Variants in MAP6 observed in about 807,000 individuals in gnomAD.
MAP6 encodes the protein microtubule associated protein 6.
MAP6 carries 26 observed loss-of-function variants against 42.4 expected under a neutral mutation model. The ratio of observed to expected loss-of-function variants is 0.61; its 90% CI spans 0.45 to 0.85. The LOEUF is 0.85. MAP6 is among the 40% of genes least tolerant of loss of function. The pLI is 0.00. For synonymous variants in MAP6, 418 were observed against 443.8 expected, an observed-to-expected ratio of 0.94 and a Z score of 0.73; for missense variants, 966 against 1,099.0, an observed-to-expected ratio of 0.88 and a Z score of 1.71.
At chr11:75,606,762 T>C (rs1942786107) in intron 2 of MAP6, among the ~76,000 whole-genome samples, 2 of 152,068 alleles carry the variant, frequency 1.3e-5, no homozygotes, top group African/African-American at 4.8e-5. Context: ...CCTCCACCAT[T>C]TTCCCCAGAG....
intron 1 of MAP6, among the ~76,000 whole-genome samples, chr11:75,616,679 T>C (rs1942999608): frequency 6.6e-6 from 1 of 152,218 alleles, no homozygotes. Flanking sequence ...TAGTGGAAGA[T>C]TGCTTTCTCC....
chr11:75,618,200 A>T (rs1406455064), intron 1 of MAP6, among the ~76,000 whole-genome samples: 2 of 151,222 alleles, frequency 1.3e-5, no homozygotes, highest in African/African-American at 4.9e-5. Context: ...CTTGAGAACC[A>T]TGCTAATTTA....
Position 75,587,257 on chromosome 11 carries a change from A to G in MAP6, c.2244T>C (p.Asn748=), listed in dbSNP as rs1171851831. ...QGRIVPEPLK[N]QVPIVPVPLK... ...GAGGCACTGGGACTATAGGAACTTG[A>G]TTCTTCAGAGGTTCAGGGACTATAC... The change falls in exon 4 of 4, where the codon AAT becomes AAC. Residue 748 remains asparagine (N), a synonymous_variant. Coordinates refer to ENST00000304771, the MANE Select transcript of MAP6 (RefSeq NM_033063.2). 2 of 1,614,106 alleles carry G rather than the reference A, an allele frequency of 1.2e-6. No individual in the cohort carries two copies. The highest frequency in any genetic ancestry group is 4.5e-5 in the East Asian group (2 of 44,876).
chr11:75,665,058 T>A (rs1057170635), intron 1 of MAP6, among the ~76,000 whole-genome samples: 1 of 152,252 alleles, frequency 6.6e-6, no homozygotes, highest in Non-Finnish European at 1.5e-5. Flanking sequence ...AATTAAATTT[T>A]ACAAAAGACC....
At chr11:75,603,025 A>G (rs1942692694) in intron 3 of MAP6, 1 of 985,696 alleles carries the variant, frequency 1.0e-6, no homozygotes, top group South Asian at 4.7e-5. Flanking sequence ...GGTGTGCGCT[A>G]CATGTTACAT....
chr11:75,667,646 C>A lies in MAP6; in HGVS notation c.724G>T (p.Ala242Ser), dbSNP rs936707265. 7.9e-7 allele frequency: 1 copy of A among 1,259,612 alleles called. No individual in the cohort carries two copies. The highest frequency in any genetic ancestry group is 9.9e-7 in the Non-Finnish European group (1 of 1,006,576). The allele number at this position is 1,259,612 out of a possible 1,614,324, so 78.0% of individuals were successfully genotyped here. Residue 242 changes from alanine to serine, a missense_variant, in exon 1 of 4, where the codon GCC (alanine) becomes TCC (serine). By Grantham distance (99) the Ala-to-Ser change is moderately conservative. Around this residue, in one of 2 missense-constraint regions of MAP6, gnomAD observed 943 missense variants for 1,049.9 expected, o/e 0.90. Coordinates refer to ENST00000304771, the MANE Select transcript of MAP6 (RefSeq NM_033063.2). The surrounding 1 kb of genome is among the most constrained non-coding windows in gnomAD (Gnocchi z 5.6). ...GADERDTRRK[A>S]GPAWIVRRAE... is the part of the protein sequence containing the mutation. ...CGGCGCACAATCCAGGCAGGCCCGG[C>A]CTTCCTGCGCGTGTCGCGCTCGTCC...
chr11:75,646,300 A>G (rs1189552371), intron 1 of MAP6, among the ~76,000 whole-genome samples: 1 of 152,104 alleles, frequency 6.6e-6, no homozygotes, highest in Non-Finnish European at 1.5e-5. Flanking sequence ...CTATCTCTAA[A>G]GCAGGAGAGT....
Position 75,606,010 on chromosome 11 carries a change from C to G in MAP6, c.1120-6G>C. ...TGAACACTAGGTTTTTCCACCTGTACGGAGAGACAGACCGCAAATACAGAA... is the reference window on the plus strand; with the variant it reads ...TGAACACTAGGTTTTTCCACCTGTAGGGAGAGACAGACCGCAAATACAGAA... On this transcript the variant is annotated splice_polypyrimidine_tract_variant and splice_region_variant and intron_variant, in intron 2 of 3. Transcript: ENST00000304771. The G allele has an allele frequency of 1.9e-6, 3 of 1,612,456 alleles. No individual in the cohort carries two copies. The highest frequency in any genetic ancestry group is 2.5e-6 in the Non-Finnish European group (3 of 1,179,778).
intron 3 of MAP6, chr11:75,605,458 A>G: frequency 9.6e-7 from 1 of 1,039,488 alleles, no homozygotes; most frequent in Non-Finnish European, 1.2e-6. Flanking sequence ...TGGGAGGAGG[A>G]GACCCCACAG....
At chr11:75,624,905 G>C (rs145305609) in intron 1 of MAP6, among the ~76,000 whole-genome samples, 3 of 152,144 alleles carry the variant, frequency 2.0e-5, no homozygotes, top group African/African-American at 7.2e-5. Context: ...CTCTGCTGGC[G>C]ATTCTGTTCA....
chr11:75,613,100 C>T (rs1942931565), intron 1 of MAP6, among the ~76,000 whole-genome samples: 8 of 152,240 alleles, frequency 5.3e-5, no homozygotes, highest in Admixed American at 5.2e-4. Flanking sequence ...CTGTCTCCCA[C>T]ACCCTGTGCT....
At chr11:75,638,979 G>A (rs527880758) in intron 1 of MAP6, among the ~76,000 whole-genome samples, 4 of 152,152 alleles carry the variant, frequency 2.6e-5, no homozygotes, top group Non-Finnish European at 5.9e-5. Context: ...AAAAGACAAT[G>A]AAATCATGTC....
intron 3 of MAP6, among the ~76,000 whole-genome samples, chr11:75,602,253 G>A (rs1942675953): frequency 6.6e-6 from 1 of 151,934 alleles, no homozygotes; most frequent in African/African-American, 2.4e-5. Context: ...CTCTGCCACA[G>A]AGCCTTCCGC....
intron 1 of MAP6, among the ~76,000 whole-genome samples, chr11:75,640,452 G>C (rs1943447066): frequency 6.6e-6 from 1 of 152,152 alleles, no homozygotes; most frequent in South Asian, 2.1e-4. Flanking sequence ...ATGACTGTTT[G>C]GGGCCAAGTC....
At position 75,611,629 on chromosome 11, in the gene MAP6, AAAT is replaced by A. The variant is rs1368199301; in HGVS notation, c.906-3310_906-3308del. ...ATGAGCCAAATAATAAAAAATGAAA[AAAT>A]AAAAAATAAAAGAAAAAGAACTTTC... On this transcript the variant is annotated intron_variant, in intron 1 of 3. Transcript: ENST00000304771. Among the ~76,000 whole-genome samples, 4 of 152,370 alleles carry A rather than the reference AAAT, an allele frequency of 2.6e-5. No individual in the cohort carries two copies. The East Asian group carries it at 7.7e-4, about 29-fold the overall frequency.
chr11:75,602,711 G>C lies in MAP6; in HGVS notation c.1316+3097C>G, dbSNP rs566916668. ...CTGACTGCTTGCCAATAGTATCTGA[G>C]AGGCAATCTAAAAGAGTCAAGCTGC... On this transcript the variant is annotated intron_variant, in intron 3 of 3. Coordinates refer to ENST00000304771, the MANE Select transcript of MAP6 (RefSeq NM_033063.2). 4.9e-5 allele frequency: 27 copies of C among 551,944 alleles called. No homozygotes were observed. In the South Asian group the frequency reaches 7.1e-4, roughly 14 times the overall value. 34.2% of individuals were successfully genotyped at this position (551,944 alleles called of 1,614,324 possible).
intron 1 of MAP6, among the ~76,000 whole-genome samples, chr11:75,628,935 A>T (rs1302612553): frequency 6.6e-6 from 1 of 152,164 alleles, no homozygotes; most frequent in Non-Finnish European, 1.5e-5. Context: ...TTTAATCTCA[A>T]ATTAACCCTG....
chr11:75,593,093 T>A (rs1452580498), intron 3 of MAP6, among the ~76,000 whole-genome samples: 1 of 152,230 alleles, frequency 6.6e-6, no homozygotes, highest in Non-Finnish European at 1.5e-5. Context: ...TCCCTGGCAC[T>A]TGCTTTCCTC....
chr11:75,588,238 G>A, intron 3 of MAP6, 54 bp from the exon 4 acceptor site: 1 of 1,522,946 alleles, frequency 6.6e-7, no homozygotes, highest in Non-Finnish European at 8.8e-7. Context: ...GCAGGGACAG[G>A]GCAGAGTACA....
Sources: allele counts gnomAD v4.1 joint callset (sites outside exome capture counted in the v4.1 genomes callset), GRCh38; gene constraint gnomAD v4.1.1; regional missense constraint gnomAD v4.1.1; non-coding constraint Gnocchi (gnomAD v3.1); transcripts MANE v1.5; gene names NCBI Gene and HGNC (gene_info 2026-07-23, HGNC 2026-07-21).